The following OSBPL6 variants were observed in gnomAD, a reference collection of about 807,000 sequenced individuals.
The protein encoded by OSBPL6 is oxysterol binding protein like 6, also known as oxysterol-binding protein-related protein 6.
OSBPL6 carries 49 observed loss-of-function variants against 125.8 expected under a neutral mutation model. That is an observed-to-expected ratio of 0.39 (90% CI 0.31 to 0.49). The LOEUF is 0.49. Ranked by LOEUF, OSBPL6 falls within the 20% of genes least tolerant of loss-of-function variation. OSBPL6 has a pLI of 0.88. For synonymous variants in OSBPL6, 394 were observed against 391.8 expected, an observed-to-expected ratio of 1.01 and a Z score of -0.07; for missense variants, 986 against 1,135.4, an observed-to-expected ratio of 0.87 and a Z score of 1.89.
chr2:178,305,963 T>A, intron 2 of OSBPL6, 67 bp from the exon 3 acceptor site: 1 of 351,388 alleles, frequency 2.8e-6, no homozygotes, highest in South Asian at 6.0e-5. Context: ...TAATATTTCA[T>A]CCTAAAGATA....
At chr2:178,254,081 G>A (rs2091794710) in intron 1 of OSBPL6, among the ~76,000 whole-genome samples, 1 of 152,124 alleles carries the variant, frequency 6.6e-6, no homozygotes, top group African/African-American at 2.4e-5. Context: ...GGACTTCTCA[G>A]TCTCTGTAAA....
chr2:178,260,411 G>T (rs544327948), intron 1 of OSBPL6, among the ~76,000 whole-genome samples: 10 of 152,284 alleles, frequency 6.6e-5, no homozygotes, highest in African/African-American at 2.4e-4. Context: ...ATATGTATAT[G>T]TGTATGTATG....
chr2:178,379,618 AT>A (rs1694278296), intron 15 of OSBPL6, among the ~76,000 whole-genome samples: 1 of 152,224 alleles, frequency 6.6e-6, no homozygotes, highest in South Asian at 2.1e-4. Flanking sequence ...TTAGGTAGAC[AT>A]TTGTCTCCTC....
chr2:178,254,221 G>A (rs1033088291), intron 1 of OSBPL6, among the ~76,000 whole-genome samples: 17 of 152,000 alleles, frequency 1.1e-4, no homozygotes, highest in African/African-American at 1.9e-4. Flanking sequence ...ATGAAACGCC[G>A]TTTCTACTAA....
At chr2:178,224,159 AG>A in intron 1 of OSBPL6, among the ~76,000 whole-genome samples, 1 of 152,340 alleles carries the variant, frequency 6.6e-6, no homozygotes, top group South Asian at 2.1e-4. Context: ...GAACCCGGGA[AG>A]GGAGACAATA....
intron 2 of OSBPL6, among the ~76,000 whole-genome samples, chr2:178,290,418 G>A (rs1685137225): frequency 9.7e-6 from 1 of 102,726 alleles, no homozygotes; most frequent in Admixed American, 1.3e-4. Context: ...ATACTTAATT[G>A]TAGTGGTTTT....
intron 22 of OSBPL6, 121 bp from the exon 23 acceptor site, chr2:178,392,291 A>T (rs1344358577): frequency 8.5e-7 from 1 of 1,177,926 alleles, no homozygotes; most frequent in Non-Finnish European, 1.2e-6. Context: ...AAAAATCTAT[A>T]ATCTTGTGTT....
At chr2:178,198,242 GAGAGTCAA>G (rs1399989627) in intron 1 of OSBPL6, among the ~76,000 whole-genome samples, 1 of 152,098 alleles carries the variant, frequency 6.6e-6, no homozygotes, top group Non-Finnish European at 1.5e-5. Flanking sequence ...AAAAGAAGAG[GAGAGTCAA>G]AGGTATTTGA....
chr2:178,307,155 C>T (rs148222090), intron 3 of OSBPL6, among the ~76,000 whole-genome samples: 8 of 152,134 alleles, frequency 5.3e-5, no homozygotes, highest in Admixed American at 2.6e-4. Flanking sequence ...ACCCCTCACC[C>T]CCTGTTTTAT....
At chr2:178,270,428 A>C (rs997702100) in intron 1 of OSBPL6, among the ~76,000 whole-genome samples, 1 of 152,128 alleles carries the variant, frequency 6.6e-6, no homozygotes, top group African/African-American at 2.4e-5. Context: ...TGAGGTGGAC[A>C]CTCTCTTAGT....
intron 3 of OSBPL6, among the ~76,000 whole-genome samples, chr2:178,315,397 T>C (rs191755737): frequency 4.5e-4 from 68 of 152,358 alleles, no homozygotes; most frequent in African/African-American, 1.5e-3. Context: ...TGAGTTTGTG[T>C]GTGTGTAGCT....
chr2:178,238,884 T>C lies in OSBPL6; in HGVS notation c.-351+44210T>C, dbSNP rs1017441518. On this transcript the variant is annotated intron_variant, in intron 1 of 24. Coordinates refer to ENST00000190611, the MANE Select transcript of OSBPL6 (RefSeq NM_032523.4). ...CCAACTCATGTGGGCCTCTGCTGTG[T>C]GCTTTTTCACATTTTCTTATCCCCT... Among the ~76,000 whole-genome samples the C allele has an allele frequency of 3.3e-5, 5 of 152,186 alleles. 1 individual carries two copies. In the South Asian group the frequency reaches 1.0e-3, roughly 32 times the overall value.
At chr2:178,322,443 T>C (rs1318147256) in intron 3 of OSBPL6, among the ~76,000 whole-genome samples, 1 of 152,146 alleles carries the variant, frequency 6.6e-6, no homozygotes, top group African/African-American at 2.4e-5. Context: ...GATTTGGTCT[T>C]TTGTATGATA....
At chr2:178,241,643 T>C (rs1435829744) in intron 1 of OSBPL6, among the ~76,000 whole-genome samples, 1 of 152,098 alleles carries the variant, frequency 6.6e-6, no homozygotes, top group African/African-American at 2.4e-5. Flanking sequence ...CTTGAACTCC[T>C]GACCTCAAGC....
chr2:178,201,129 A>T (rs1350289726), intron 1 of OSBPL6, among the ~76,000 whole-genome samples: 2 of 152,176 alleles, frequency 1.3e-5, no homozygotes, highest in Non-Finnish European at 2.9e-5. Flanking sequence ...GACTCTACAA[A>T]TGTATATTAA....
At position 178,394,401 on chromosome 2, in the gene OSBPL6, G is replaced by A. The variant is rs142044255; in HGVS notation, c.2662G>A (p.Glu888Lys). 5.0e-6 allele frequency: 8 copies of A among 1,612,958 alleles called. No homozygotes were observed. The highest frequency in any genetic ancestry group is 2.7e-5 in the African/African-American group (2 of 74,808). ...GAGATCTCGGAGACGATATATGGAA[G>A]AAAACAATCTTGAACATATACCAAA... The part of the protein sequence containing the change: ...LQRSRRRYME[E>K]NNLEHIPKFF... The change falls in exon 24 of 25, where the codon GAA becomes AAA. Residue 888 changes from glutamate to lysine, a missense_variant. This residue lies in a region of OSBPL6 where 843 missense variants were observed against 997.3 expected (regional missense o/e 0.85). Transcript: ENST00000190611.
At chr2:178,390,988 G>C (rs1695355325) in intron 21 of OSBPL6, 85 bp from the exon 22 acceptor site, 10 of 1,554,708 alleles carry the variant, frequency 6.4e-6, no homozygotes, top group Admixed American at 2.0e-5. Context: ...GGACTTCAAG[G>C]CTAAGAAATT....
chr2:178,324,799 A>G (rs571201428), intron 4 of OSBPL6, among the ~76,000 whole-genome samples: 1 of 152,360 alleles, frequency 6.6e-6, no homozygotes, highest in African/African-American at 2.4e-5. Context: ...TAAATAAATA[A>G]GTAAATAAGC....
intron 1 of OSBPL6, among the ~76,000 whole-genome samples, chr2:178,273,265 T>C (rs1442254395): frequency 6.6e-6 from 1 of 152,186 alleles, no homozygotes; most frequent in East Asian, 1.9e-4. Context: ...TCGGCTTTAT[T>C]CTGTCTTTCT....
Sources: gnomAD v4.1 joint callset for allele counts (sites outside exome capture counted in the v4.1 genomes callset) on GRCh38, gnomAD v4.1.1 for gene constraint, gnomAD v4.1.1 regional missense constraint, MANE v1.5 for transcripts, NCBI Gene and HGNC (gene_info 2026-07-23, HGNC 2026-07-21) for gene names.